Variants in CCDC88A observed in about 807,000 individuals in gnomAD.
The protein encoded by CCDC88A is girdin.
Under a neutral mutation model 234.3 loss-of-function variants are expected in CCDC88A, and 54 were observed. That is an observed-to-expected ratio of 0.23 (90% CI 0.19 to 0.29). The LOEUF (loss-of-function observed/expected upper bound fraction) is 0.29, where lower values mean the gene tolerates loss of function less well. CCDC88A is among the 10% of genes least tolerant of loss of function. CCDC88A has a pLI of 1.00. For synonymous variants in CCDC88A, 753 were observed against 737.8 expected (o/e 1.02, Z -0.33); for missense variants, 1,832 against 2,123.4 (o/e 0.86, Z 2.70).
chr2:55,296,567 A>G, intron 29 of CCDC88A, 44 bp from the exon 30 acceptor site: 1 of 1,559,182 alleles, frequency 6.4e-7, no homozygotes. Context: ...AATAGAATTG[A>G]GATTAATACT....
chr2:55,371,072 C>T (rs1223069137), intron 5 of CCDC88A, among the ~76,000 whole-genome samples: 2 of 152,088 alleles, frequency 1.3e-5, no homozygotes, highest in African/African-American at 4.8e-5. Flanking sequence ...CAATAACCAC[C>T]AAGCAATAAC....
At chr2:55,381,684 T>C (rs1674634930) in intron 3 of CCDC88A, among the ~76,000 whole-genome samples, 1 of 152,182 alleles carries the variant, frequency 6.6e-6, no homozygotes, top group South Asian at 2.1e-4. Context: ...ATAAACATTA[T>C]TTAGTTACTA....
intron 32 of CCDC88A, 181 bp downstream of exon 32, chr2:55,291,495 G>A (rs1679448030): frequency 2.6e-6 from 1 of 386,084 alleles, no homozygotes; most frequent in Non-Finnish European, 4.6e-6. Flanking sequence ...TCCTTGCGCT[G>A]ACAGGTAAAA....
chr2:55,314,752 G>C (rs532667596), intron 22 of CCDC88A: 1 of 152,264 alleles, frequency 6.6e-6, no homozygotes, highest in South Asian at 2.1e-4. Flanking sequence ...TTATCACAAA[G>C]TAAACATATA....
rs182354536 is a variant in CCDC88A, at chr2:55,380,329, G to C, written c.274-5446C>G. On this transcript the variant is annotated intron_variant, in intron 3 of 32. Transcript: ENST00000436346. ...AGAACGTTAAAATTTTTAAAGATAT[G>C]CAAGTATTCAAATATAGAGATTTTG... Among the ~76,000 whole-genome samples, 385 of 152,150 alleles carry C rather than the reference G, an allele frequency of 2.5e-3. 3 individuals carry two copies. The highest frequency in any genetic ancestry group is 5.3e-3 in the Admixed American group (81 of 15,262).
At chr2:55,294,806 G>A (rs1679827157) in intron 31 of CCDC88A, 1 of 1,010,372 alleles carries the variant, frequency 9.9e-7, no homozygotes, top group Admixed American at 5.4e-5. Flanking sequence ...AAAATGTGAA[G>A]GAGGAGCATG....
At chr2:55,395,318 C>T (rs1048873451) in intron 2 of CCDC88A, among the ~76,000 whole-genome samples, 1 of 152,204 alleles carries the variant, frequency 6.6e-6, no homozygotes, top group African/African-American at 2.4e-5. Context: ...TCTGATCCTT[C>T]TCCATTAATA....
intron 2 of CCDC88A, among the ~76,000 whole-genome samples, chr2:55,409,316 C>G (rs1308637389): frequency 6.6e-6 from 1 of 152,150 alleles, no homozygotes; most frequent in African/African-American, 2.4e-5. Flanking sequence ...ACTTATGACT[C>G]CTGTTCACTC....
At chr2:55,304,495 T>A (rs1178663556) in intron 25 of CCDC88A, among the ~76,000 whole-genome samples, 1 of 151,926 alleles carries the variant, frequency 6.6e-6, no homozygotes, top group African/African-American at 2.4e-5. Flanking sequence ...TTACAAAAGA[T>A]TCGTTGGGGG....
chr2:55,418,882 C>A lies in CCDC88A; in HGVS notation c.98G>T (p.Gly33Val), dbSNP rs771337857. 6.2e-7 allele frequency: 1 copy of A among 1,614,098 alleles called. No homozygotes were observed. Among genetic ancestry groups the A allele is most frequent in the South Asian group, 1.1e-5 (1 of 91,080 alleles). The change falls in exon 2 of 33, where the codon GGG becomes GTG. Residue 33 changes from glycine (G) to valine (V), a missense_variant. Gly to Val is a moderately radical substitution (Grantham distance 109). Around this residue, in one of 6 missense-constraint regions of CCDC88A, gnomAD observed 36 missense variants for 44.0 expected, o/e 0.82. Coordinates refer to ENST00000436346, the MANE Select transcript of CCDC88A (RefSeq NM_001365480.1). ...AGCCACATATTCATCAAGGTTGGTCCCATTTCCTGCGGCCAGAGGTCCAAA... is the reference window on the plus strand; with the variant it reads ...AGCCACATATTCATCAAGGTTGGTCACATTTCCTGCGGCCAGAGGTCCAAA... ...KTFGPLAAGN[G>V]TNLDEYVALV...
chr2:55,319,321 T>C (rs1224962320), intron 18 of CCDC88A, among the ~76,000 whole-genome samples: 1 of 152,130 alleles, frequency 6.6e-6, no homozygotes, highest in Admixed American at 6.5e-5. Context: ...GAATTGTCAG[T>C]TGTATGGTTT....
intron 2 of CCDC88A, among the ~76,000 whole-genome samples, chr2:55,415,574 C>G (rs1401757070): frequency 1.3e-5 from 2 of 152,072 alleles, no homozygotes; most frequent in East Asian, 1.9e-4. Flanking sequence ...ATGGTCTGAG[C>G]TGAGGGGACA....
chr2:55,402,924 G>C (rs1347691905), intron 2 of CCDC88A, among the ~76,000 whole-genome samples: 1 of 151,944 alleles, frequency 6.6e-6, no homozygotes, highest in East Asian at 1.9e-4. Context: ...CAGGAGAATG[G>C]CGTGAACCCA....
intron 5 of CCDC88A, among the ~76,000 whole-genome samples, chr2:55,371,017 G>C (rs1176624180): frequency 6.6e-6 from 1 of 151,920 alleles, no homozygotes; most frequent in Non-Finnish European, 1.5e-5. Context: ...CTCAAAAAAA[G>C]GTCCTTGGTT....
intron 16 of CCDC88A, among the ~76,000 whole-genome samples, chr2:55,330,383 G>A (rs574483051): frequency 1.4e-4 from 22 of 152,208 alleles, no homozygotes; most frequent in East Asian, 7.8e-4. Flanking sequence ...TCAGGCAGGA[G>A]AATCACTTGA....
intron 5 of CCDC88A, among the ~76,000 whole-genome samples, chr2:55,364,845 G>C (rs2104793088): frequency 6.6e-6 from 1 of 152,188 alleles, no homozygotes; most frequent in African/African-American, 2.4e-5. Context: ...CCAACTGCTA[G>C]TATCACTGTA....
At position 55,302,033 on chromosome 2, in the gene CCDC88A, T is replaced by C. The variant is rs370015921; in HGVS notation, c.4511A>G (p.Gln1504Arg). Residue 1504 changes from glutamine (Q) to arginine (R), a missense_variant, in exon 27 of 33, where the codon CAG becomes CGG. Physicochemically the swap from Gln to Arg is conservative, Grantham distance 43. This residue lies in a region of CCDC88A where 1,282 missense variants were observed against 1,543.6 expected (regional missense o/e 0.83). Transcript: ENST00000436346. ...DLVQSMVLAG[Q>R]WTGSTENLEV... ...CAAATTCTCAGTACTACCTGTCCACTGTCCTGCTAGGACCATGGACTGCAC... is the reference window on the plus strand; with the variant it reads ...CAAATTCTCAGTACTACCTGTCCACCGTCCTGCTAGGACCATGGACTGCAC... 7 of 1,613,996 alleles carry C rather than the reference T, an allele frequency of 4.3e-6. No homozygotes were observed. Among genetic ancestry groups the C allele is most frequent in the African/African-American group, 1.3e-5 (1 of 74,940 alleles).
At chr2:55,305,157 G>C (rs981899588) in intron 25 of CCDC88A, among the ~76,000 whole-genome samples, 1 of 152,178 alleles carries the variant, frequency 6.6e-6, no homozygotes, top group African/African-American at 2.4e-5. Flanking sequence ...GCATGCACAT[G>C]TTGTCTTGTT....
chr2:55,406,264 T>C (rs935713443), intron 2 of CCDC88A: 2 of 151,986 alleles, frequency 1.3e-5, no homozygotes, highest in African/African-American at 4.8e-5. Flanking sequence ...AAATAAGGAG[T>C]TGGGAAAAAT....
Sources: gnomAD v4.1 joint callset for allele counts (sites outside exome capture counted in the v4.1 genomes callset) on GRCh38, gnomAD v4.1.1 for gene constraint, gnomAD v4.1.1 regional missense constraint, MANE v1.5 for transcripts, NCBI Gene and HGNC (gene_info 2026-07-23, HGNC 2026-07-21) for gene names.